ZNF543: variants seen among roughly 807,000 people sequenced by gnomAD.
ZNF543 encodes the protein zinc finger protein 543.
ZNF543 carries 10 observed loss-of-function variants against 13.4 expected under a neutral mutation model. The ratio of observed to expected loss-of-function variants is 0.75; its 90% CI spans 0.46 to 1.26. The LOEUF is 1.26. Ranked by LOEUF, ZNF543 falls within the 50% of genes most tolerant of loss-of-function variation. ZNF543 has a pLI of 0.00. For synonymous variants in ZNF543, 272 were observed against 264.7 expected (o/e 1.03, Z -0.27); for missense variants, 768 against 741.2 (o/e 1.04, Z -0.42).
rs1452300506 is a variant in ZNF543 at position 57,326,681 on chromosome 19, A to C, written c.194A>C (p.Gln65Pro). Residue 65 changes from glutamine to proline, a missense_variant, in exon 3 of 4, where the codon CAG (glutamine) becomes CCG (proline). Physicochemically the swap from Gln to Pro is moderately conservative, Grantham distance 76. This residue lies in a region of ZNF543 where 77 missense variants were observed against 75.5 expected (regional missense o/e 1.02). Coordinates refer to ENST00000321545, the MANE Select transcript of ZNF543 (RefSeq NM_213598.4). ...PELIYQLDHR[Q>P]ELWMATKDLS... ...CTGATCTACCAGTTGGATCACAGAC[A>C]GGAGCTATGGATGGCTACAAAAGAC... 1 of 1,614,142 alleles carries C rather than the reference A, an allele frequency of 6.2e-7. No individual in the cohort carries two copies. The highest frequency in any genetic ancestry group is 8.5e-7 in the Non-Finnish European group (1 of 1,180,004).
rs8110400 is a variant in ZNF543, at chr19:57,326,558, C to T, written c.146-75C>T. 182 of 1,097,442 alleles carry T rather than the reference C, an allele frequency of 1.7e-4. 3 individuals are homozygous for T. The Admixed American group carries it at 3.3e-3, about 20-fold the overall frequency. The allele number at this position is 1,097,442 out of a possible 1,614,324, so 68.0% of individuals were successfully genotyped here. A position where few individuals can be genotyped will look rare whatever the true frequency, so the allele number is the denominator to read the frequency against. ...TCACTTCATGGTCTTCCCCATCCTG[C>T]AGTCCCAGATCAGATTGACAGGTTT... On this transcript the variant is annotated intron_variant, in intron 2 of 3. Transcript: ENST00000321545.
At chr19:57,326,773 C>T (rs368428188) in intron 3 of ZNF543, 45 bp downstream of exon 3, 2 of 1,501,314 alleles carry the variant, frequency 1.3e-6, no homozygotes, top group Non-Finnish European at 1.8e-6. Flanking sequence ...GCAGCTTACA[C>T]ATGGAAAAGT....
rs1178951851 is a variant in ZNF543, at chr19:57,329,655, G to A, written c.*390G>A. ...AGCCTCCCAAGTAGCTGGGACTACAGGCACCCGCCACTACGCCTGGCTAAT... is the reference window on the plus strand; with the variant it reads ...AGCCTCCCAAGTAGCTGGGACTACAAGCACCCGCCACTACGCCTGGCTAAT... On this transcript the variant is annotated 3_prime_UTR_variant, in exon 4 of 4. Coordinates refer to ENST00000321545, the MANE Select transcript of ZNF543 (RefSeq NM_213598.4). 6.2e-6 allele frequency: 1 copy of A among 161,862 alleles called. No individual in the cohort carries two copies. The highest frequency in any genetic ancestry group is 1.4e-5 in the Non-Finnish European group (1 of 73,728). The allele number at this position is 161,862 out of a possible 1,614,324, so 10.0% of individuals were successfully genotyped here. A position where few individuals can be genotyped will look rare whatever the true frequency, so the allele number is the denominator to read the frequency against.
Position 57,329,223 on chromosome 19 carries a change from G to GA in ZNF543, c.1764dup (p.Glu589ArgfsTer8), listed in dbSNP as rs1568510934. Reference sequence around the variant, plus strand: ...TCAACATCCAGGAACTTTTATTAGGGAAAGAGTTTTTGAATATCACCACTG... The same window carrying GA: ...TCAACATCCAGGAACTTTTATTAGGGAAAAGAGTTTTTGAATATCACCACTG... On this transcript the variant is annotated frameshift_variant, in exon 4 of 4. Transcript: ENST00000321545. LOFTEE classifies it low-confidence loss of function (END_TRUNC). 6.2e-7 allele frequency: 1 copy of GA among 1,611,990 alleles called. No homozygotes were observed. Among genetic ancestry groups the GA allele is most frequent in the Non-Finnish European group, 8.5e-7 (1 of 1,178,792 alleles).
At chr19:57,321,622 C>G (rs2088090568) in intron 1 of ZNF543, among the ~76,000 whole-genome samples, 1 of 152,198 alleles carries the variant, frequency 6.6e-6, no homozygotes, top group Non-Finnish European at 1.5e-5. Flanking sequence ...ATTAGGTTCT[C>G]TTGTCCTCAC....
At chr19:57,323,628 A>G (rs1188930777) in intron 1 of ZNF543, 54 bp from the exon 2 acceptor site, 1 of 1,600,634 alleles carries the variant, frequency 6.2e-7, no homozygotes, top group East Asian at 2.3e-5. Context: ...GACAAGTTCT[A>G]GTTGTATTCC....
In ZNF543 at chr19:57,320,598, T is replaced by C. The variant is rs2088083536; in HGVS notation, c.-256T>C. 1.9e-6 allele frequency: 1 copy of C among 519,048 alleles called. No homozygotes were observed. The highest frequency in any genetic ancestry group is 2.3e-5 in the South Asian group (1 of 43,534). The allele number at this position is 519,048 out of a possible 1,614,324, so 32.2% of individuals were successfully genotyped here. A position where few individuals can be genotyped will look rare whatever the true frequency, so the allele number is the denominator to read the frequency against. On this transcript the variant is annotated 5_prime_UTR_variant, in exon 1 of 4. Coordinates refer to ENST00000321545, the MANE Select transcript of ZNF543 (RefSeq NM_213598.4). ...GAGGCTGTTACGCGCCTTCTCCGCA[T>C]CTTGGCGGGAGCCTGACGCCCCGCT...
In ZNF543 at chr19:57,323,804, T is replaced by C; in HGVS notation, c.141T>C (p.Ser47=). The C allele has an allele frequency of 6.2e-7, 1 of 1,612,398 alleles. No individual in the cohort carries two copies. Among genetic ancestry groups the C allele is most frequent in the African/African-American group, 1.3e-5 (1 of 74,994 alleles). ...VMLETCGLLM[S]LGCPLFKPEL... ...TGGAGACCTGCGGACTTCTCATGTC[T>C]CTGGGTAAGGCCCCTTCTGGTCCTG... is the stretch of plus-strand genomic sequence containing the variant. Residue 47 remains serine (S), a synonymous_variant, in exon 2 of 4, where the codon TCT becomes TCC. Transcript: ENST00000321545.
In ZNF543 at chr19:57,323,709, G is replaced by A. The variant is rs774764314; in HGVS notation, c.46G>A (p.Val16Met). ...QVSVTFEDVAVTFTQEEWGQL... is the reference protein window; with the variant it reads ...QVSVTFEDVAMTFTQEEWGQL... ...GTCTGTGACCTTTGAGGATGTGGCT[G>A]TGACATTCACCCAGGAGGAGTGGGG... Residue 16 changes from valine (V) to methionine (M), a missense_variant, in exon 2 of 4, where the codon GTG becomes ATG. Around this residue, in one of 3 missense-constraint regions of ZNF543, gnomAD observed 77 missense variants for 75.5 expected, o/e 1.02. Transcript: ENST00000321545. 1 of 1,613,604 alleles carries A rather than the reference G, an allele frequency of 6.2e-7. No individual in the cohort carries two copies. Among genetic ancestry groups the A allele is most frequent in the Non-Finnish European group, 8.5e-7 (1 of 1,179,668 alleles).
intron 2 of ZNF543, 64 bp from the exon 3 acceptor site, chr19:57,326,569 C>T (rs1348047915): frequency 7.9e-7 from 1 of 1,269,744 alleles, no homozygotes; most frequent in Non-Finnish European, 1.1e-6. Flanking sequence ...AGTCCCAGAT[C>T]AGATTGACAG....
intron 1 of ZNF543, among the ~76,000 whole-genome samples, chr19:57,321,802 A>G (rs767485925): frequency 1.3e-5 from 2 of 152,214 alleles, no homozygotes; most frequent in Non-Finnish European, 2.9e-5. Flanking sequence ...TGACACCTAA[A>G]GTAAACTTTG....
intron 1 of ZNF543, among the ~76,000 whole-genome samples, chr19:57,322,263 G>A (rs898698488): frequency 6.6e-6 from 1 of 151,898 alleles, no homozygotes; most frequent in Non-Finnish European, 1.5e-5. Context: ...AGCAGATGCA[G>A]GTCCAGGCCC....
Position 57,329,866 on chromosome 19 carries a change from A to G in ZNF543, c.*601A>G, listed in dbSNP as rs1004751607. 1.3e-5 allele frequency: 2 copies of G among 152,262 alleles called. No individual in the cohort carries two copies. Among genetic ancestry groups the G allele is most frequent in the African/African-American group, 2.4e-5 (1 of 41,456 alleles). 9.4% of individuals were successfully genotyped at this position (152,262 alleles called of 1,614,324 possible). A position where few individuals can be genotyped will look rare whatever the true frequency, so the allele number is the denominator to read the frequency against. On this transcript the variant is annotated 3_prime_UTR_variant, in exon 4 of 4. Transcript: ENST00000321545. ...GAAATATAGGGAAGAGAAAGAAACC[A>G]CAGCTTCTTTTAGACTTGTCTGACA...
At position 57,329,166 on chromosome 19, in the gene ZNF543, G is replaced by A; in HGVS notation, c.1704G>A (p.Val568=). ...TGRNPTIVTD[V]GRPFMTAQTS... ...GAAACCCTACCATTGTAACAGATGTGGGAAGACCTTTTATGACTGCACAGA... is the reference window on the plus strand; with the variant it reads ...GAAACCCTACCATTGTAACAGATGTAGGAAGACCTTTTATGACTGCACAGA... Residue 568 remains valine, a synonymous_variant, in exon 4 of 4, where the codon GTG becomes GTA. Coordinates refer to ENST00000321545, the MANE Select transcript of ZNF543 (RefSeq NM_213598.4). 6.2e-7 allele frequency: 1 copy of A among 1,614,166 alleles called. No homozygotes were observed. Among genetic ancestry groups the A allele is most frequent in the Non-Finnish European group, 8.5e-7 (1 of 1,180,024 alleles).
rs1452439615 is a variant in ZNF543 at position 57,328,872 on chromosome 19, C to A, written c.1410C>A (p.Phe470Leu). 1 of 1,613,980 alleles carries A rather than the reference C, an allele frequency of 6.2e-7. No homozygotes were observed. Among genetic ancestry groups the A allele is most frequent in the Admixed American group, 1.7e-5 (1 of 60,000 alleles). The change falls in exon 4 of 4, where the codon TTC (phenylalanine) becomes TTA (leucine). Residue 470 changes from phenylalanine to leucine, a missense_variant. This residue lies in a region of ZNF543 where 677 missense variants were observed against 631.4 expected (regional missense o/e 1.07). Coordinates refer to ENST00000321545, the MANE Select transcript of ZNF543 (RefSeq NM_213598.4). ...ATAGGGCAGACCTCATTCGCCACTT[C>A]AGCATCCACACTGGAGAGAAACCCT... Reference protein sequence around the residue: ...FSDRADLIRHFSIHTGEKPYE... With the variant: ...FSDRADLIRHLSIHTGEKPYE...
At chr19:57,326,864 C>T in intron 3 of ZNF543, 136 bp downstream of exon 3, 2 of 458,828 alleles carry the variant, frequency 4.4e-6, no homozygotes, top group East Asian at 3.5e-5. Flanking sequence ...CCTCTCCCCG[C>T]CCGCCCCCCC....
rs754268631 is a variant in ZNF543, at chr19:57,325,188, G to A, written c.145+1380G>A. Among the ~76,000 whole-genome samples the A allele has an allele frequency of 3.7e-4, 56 of 152,230 alleles. No individual in the cohort carries two copies. The Middle Eastern group carries it at 0.01, about 28-fold the overall frequency. On this transcript the variant is annotated intron_variant, in intron 2 of 3. Transcript: ENST00000321545. ...AGTAGGCAGGCTGGCATGTGCAAAG[G>A]CCCTGAGGTGGTGAAGAGCATGATC...
downstream of ZNF543, chr19:57,330,770 ACTC>A (rs369168236): frequency 3.3e-5 from 5 of 151,872 alleles, no homozygotes; most frequent in African/African-American, 1.2e-4. Context: ...TTCACTTTGA[ACTC>A]CTCAAAGCCT....
At position 57,328,950 on chromosome 19, in the gene ZNF543, G is replaced by C; in HGVS notation, c.1488G>C (p.Arg496Ser). 6.2e-7 allele frequency: 1 copy of C among 1,614,052 alleles called. No individual in the cohort carries two copies. The highest frequency in any genetic ancestry group is 8.5e-7 in the Non-Finnish European group (1 of 1,180,002). Residue 496 changes from arginine (R) to serine (S), a missense_variant, in exon 4 of 4, where the codon AGG becomes AGC. Arg to Ser is a moderately radical substitution (Grantham distance 110). This residue lies in a region of ZNF543 where 677 missense variants were observed against 631.4 expected (regional missense o/e 1.07). Coordinates refer to ENST00000321545, the MANE Select transcript of ZNF543 (RefSeq NM_213598.4). ...TCAACCGCAGCTCACACCTCACGAG[G>C]CACCAACAGATTCACACTGGAGAGA... Reference protein sequence around the residue: ...KAFNRSSHLTRHQQIHTGEKP... With the variant: ...KAFNRSSHLTSHQQIHTGEKP...
Sources: allele counts gnomAD v4.1 joint callset (sites outside exome capture counted in the v4.1 genomes callset), GRCh38; gene constraint gnomAD v4.1.1; regional missense constraint gnomAD v4.1.1; transcripts MANE v1.5; gene names NCBI Gene and HGNC (gene_info 2026-07-23, HGNC 2026-07-21).